Variants in LIPE observed in about 807,000 individuals in gnomAD.
The protein encoded by LIPE is lipase E, hormone sensitive type, also known as hormone-sensitive lipase.
LIPE carries 66 observed loss-of-function variants against 88.5 expected under a neutral mutation model. The observed-to-expected ratio is 0.75, with a 90% confidence interval of 0.61 to 0.91. The LOEUF is 0.91. Ranked by LOEUF, LIPE falls within the 40% of genes least tolerant of loss-of-function variation. The pLI, the probability that LIPE is intolerant of heterozygous loss-of-function variation, is 0.00. For missense variants in LIPE, 1,346 were observed against 1,434.7 expected, an observed-to-expected ratio of 0.94 and a Z score of 1.00; for synonymous variants, 570 against 617.5, an observed-to-expected ratio of 0.92 and a Z score of 1.14.
At chr19:42,405,972 TCTCTCACACACA>T (rs1471671839) in intron 7 of LIPE, 177 bp downstream of exon 7, 104 of 563,280 alleles carry the variant, frequency 1.8e-4, no homozygotes, top group Admixed American at 6.5e-4. Flanking sequence ...TCTCTCTCTC[TCTCTCACACACA>T]CACACACACA....
chr19:42,403,241 ATGTGTGTGTGTGTGTGTGTGTGTGTG>A (rs56983822), intron 8 of LIPE, among the ~76,000 whole-genome samples: 11 of 91,894 alleles, frequency 1.2e-4, no homozygotes, highest in Admixed American at 7.7e-4. Context: ...CTAGTGAAGG[ATGTGTGTGTGTGTGTGTGTGTGTGTG>A]TGTGTGTGTG....
At chr19:42,418,994 G>T (rs1005490350) in intron 1 of LIPE, among the ~76,000 whole-genome samples, 1 of 151,934 alleles carries the variant, frequency 6.6e-6, no homozygotes, top group African/African-American at 2.4e-5. Context: ...GATGAGGAGT[G>T]GGGGCCGGGC....
chr19:42,424,202 A>C, intron 1 of LIPE: 1 of 931,022 alleles, frequency 1.1e-6, no homozygotes, highest in South Asian at 1.5e-5. Flanking sequence ...CCCGATAATG[A>C]GGGTGGGGGA....
intron 1 of LIPE, among the ~76,000 whole-genome samples, chr19:42,418,755 G>A (rs1441844580): frequency 6.6e-6 from 1 of 152,134 alleles, no homozygotes; most frequent in Non-Finnish European, 1.5e-5. Flanking sequence ...TATGCACTGG[G>A]AAACCAACAA....
intron 1 of LIPE, chr19:42,425,277 T>C (rs1330430271): frequency 6.5e-6 from 1 of 152,960 alleles, no homozygotes; most frequent in East Asian, 1.9e-4. Context: ...GCTCAGTCAG[T>C]TTCTGTGGAT....
Position 42,401,846 on chromosome 19 carries a change from G to T in LIPE, c.3197C>A (p.Ala1066Glu). Reference sequence around the variant, plus strand: ...CCCCCCGCAGCCCCCGTCTACCCCCGCAGCCCCCGTCTCCCCGCTCGGCCC... The same window carrying T: ...CCCCCCGCAGCCCCCGTCTACCCCCTCAGCCCCCGTCTCCCCGCTCGGCCC... Reference protein sequence around the residue: ...GAGPSGETGAAGVDGGCGGRH With the variant: ...GAGPSGETGAEGVDGGCGGRH Residue 1066 changes from alanine (A) to glutamate (E), a missense_variant, in exon 10 of 10, where the codon GCG (alanine) becomes GAG (glutamate). Coordinates refer to ENST00000244289, the MANE Select transcript of LIPE (RefSeq NM_005357.4). 3.2e-6 allele frequency: 1 copy of T among 310,370 alleles called. No individual in the cohort carries two copies. The highest frequency in any genetic ancestry group is 5.8e-6 in the Non-Finnish European group (1 of 171,032). The allele number at this position is 310,370 out of a possible 1,614,324, so 19.2% of individuals were successfully genotyped here.
chr19:42,423,892 A>G (rs774638963), intron 1 of LIPE: 19 of 1,141,466 alleles, frequency 1.7e-5, no homozygotes, highest in Non-Finnish European at 2.1e-5. Context: ...GAAGCCTCCC[A>G]TGTGCTGGCT....
At chr19:42,405,642 G>C (rs892358565) in intron 7 of LIPE, 81 bp from the exon 8 acceptor site, 1 of 1,386,424 alleles carries the variant, frequency 7.2e-7, no homozygotes, top group South Asian at 1.3e-5. Flanking sequence ...GGCATCTGTG[G>C]TCCCAGGGAC....
At position 42,401,691 on chromosome 19, in the gene LIPE, T is replaced by TGG; in HGVS notation, c.*120_*121insCC. 1 of 457,762 alleles carries TGG rather than the reference T, an allele frequency of 2.2e-6. No individual in the cohort carries two copies. Among genetic ancestry groups the TGG allele is most frequent in the East Asian group, 6.0e-5 (1 of 16,648 alleles). 28.4% of individuals were successfully genotyped at this position (457,762 alleles called of 1,614,324 possible). ...CTCCCCGTGGCGAGGGTCTCAGCTT[T>TGG]CGGGCCCCCGCCCCGCCCCCTTGCC... On this transcript the variant is annotated 3_prime_UTR_variant, in exon 10 of 10. Coordinates refer to ENST00000244289, the MANE Select transcript of LIPE (RefSeq NM_005357.4).
Position 42,405,510 on chromosome 19 carries a change from A to G in LIPE, c.2417T>C (p.Met806Thr). The G allele has an allele frequency of 6.2e-7, 1 of 1,614,178 alleles. No homozygotes were observed. Among genetic ancestry groups the G allele is most frequent in the Non-Finnish European group, 8.5e-7 (1 of 1,180,014 alleles). The change falls in exon 8 of 10, where the codon ATG becomes ACG. Residue 806 changes from methionine (M) to threonine (T), a missense_variant. By Grantham distance (81) the Met-to-Thr change is moderately conservative (BLOSUM62 -1). Coordinates refer to ENST00000244289, the MANE Select transcript of LIPE (RefSeq NM_005357.4). ...SNSDQKALGMMGLVRRDTALL... is the reference protein window; with the variant it reads ...SNSDQKALGMTGLVRRDTALL... ...GGCTGTGTCCCGCCGCACCAGCCCC[A>G]TCATGCCGAGGGCTTTCTGGTCTGA...
In LIPE at chr19:42,408,922, G is replaced by C. The variant is rs2147614586; in HGVS notation, c.1420-600C>G. On this transcript the variant is annotated intron_variant, in intron 2 of 9. Transcript: ENST00000244289. This position sits in a 1 kb window ranked among gnomAD's most constrained non-coding sequence, Gnocchi z 4.3. ...GAGCAGAGTGAGCAGTGGGGAGAGG[G>C]GCAGGTGGTGACATTGGAGAGGCAA... 6.6e-6 allele frequency among the ~76,000 whole-genome samples: 1 copy of C among 152,196 alleles called. No individual in the cohort carries two copies. Among genetic ancestry groups the C allele is most frequent in the Non-Finnish European group, 1.5e-5 (1 of 68,006 alleles).
chr19:42,407,826 G>T lies in LIPE; in HGVS notation c.1657-35C>A. 1 of 1,546,460 alleles carries T rather than the reference G, an allele frequency of 6.5e-7. No individual in the cohort carries two copies. The highest frequency in any genetic ancestry group is 8.7e-7 in the Non-Finnish European group (1 of 1,146,176). Reference sequence around the variant, plus strand: ...GGGGACAGAAGGGGTGCTAGGGAAGGTCTGCCTGCAGGGGTGCCCTTCACC... The same window carrying T: ...GGGGACAGAAGGGGTGCTAGGGAAGTTCTGCCTGCAGGGGTGCCCTTCACC... On this transcript the variant is annotated intron_variant, in intron 4 of 9. Transcript: ENST00000244289. This position sits in a 1 kb window ranked among gnomAD's most constrained non-coding sequence, Gnocchi z 5.8.
intron 1 of LIPE, among the ~76,000 whole-genome samples, chr19:42,422,376 T>C (rs777615341): frequency 2.0e-4 from 30 of 152,298 alleles, no homozygotes; most frequent in Middle Eastern, 3.4e-3. Context: ...TTAACTACAG[T>C]CTGTACTGCC....
At chr19:42,403,557 C>T (rs959971845) in intron 8 of LIPE, among the ~76,000 whole-genome samples, 4 of 151,368 alleles carry the variant, frequency 2.6e-5, no homozygotes, top group Admixed American at 6.6e-5. Flanking sequence ...AAGTGATTCT[C>T]GTGCCTCAGC....
intron 1 of LIPE, chr19:42,412,532 C>G (rs1338979709): frequency 4.1e-6 from 4 of 985,860 alleles, no homozygotes; most frequent in Middle Eastern, 1.0e-3. Flanking sequence ...GTGCTGTAAA[C>G]AGAGTAGAGG....
rs2147613894 is a variant in LIPE, at chr19:42,408,817, C to CT, written c.1420-496dup. Among the ~76,000 whole-genome samples the CT allele has an allele frequency of 6.8e-6, 1 of 146,324 alleles. No individual in the cohort carries two copies. The highest frequency in any genetic ancestry group is 2.5e-5 in the African/African-American group (1 of 40,492). ...CCAGCCTGGGCGACAGAGCGAGACT[C>CT]TGTCTCTAAAAAAAAAAAAAGGTGA... On this transcript the variant is annotated intron_variant, in intron 2 of 9. Transcript: ENST00000244289. The surrounding 1 kb of genome is among the most constrained non-coding windows in gnomAD (Gnocchi z 4.3).
chr19:42,412,056 C>A (rs777200289), intron 1 of LIPE, among the ~76,000 whole-genome samples: 2 of 152,200 alleles, frequency 1.3e-5, no homozygotes, highest in African/African-American at 2.4e-5. Flanking sequence ...TGGGGCTCCC[C>A]GCTAGGACTC....
chr19:42,404,564 A>G lies in LIPE; in HGVS notation c.2542+821T>C, dbSNP rs1360207310. On this transcript the variant is annotated intron_variant, in intron 8 of 9. Transcript: ENST00000244289. ...TTTTTAATAGAGATGGGGTTTCACT[A>G]TGTTGGCCAAGCTGGTCTTGAACTC... is the stretch of plus-strand genomic sequence containing the variant. 2.0e-5 allele frequency among the ~76,000 whole-genome samples: 3 copies of G among 152,206 alleles called. No individual in the cohort carries two copies. In the East Asian group the frequency reaches 5.8e-4, roughly 29 times the overall value.
chr19:42,402,618 C>T lies in LIPE; in HGVS notation c.2956G>A (p.Val986Met). 1 of 1,492,616 alleles carries T rather than the reference C, an allele frequency of 6.7e-7. No homozygotes were observed. Among genetic ancestry groups the T allele is most frequent in the Non-Finnish European group, 8.9e-7 (1 of 1,119,170 alleles). 92.5% of individuals were successfully genotyped at this position (1,492,616 alleles called of 1,614,324 possible). A position where few individuals can be genotyped will look rare whatever the true frequency, so the allele number is the denominator to read the frequency against. ...PDSMLKSLPP[V>M]HIVACALDPM... ...CCTCTGTCGCTCACCACGATGTGCA[C>T]AGGTGGCAGGCTCTTGAGCATGCTG... is the stretch of plus-strand genomic sequence containing the variant. Residue 986 changes from valine to methionine, a missense_variant, in exon 9 of 10, where the codon GTG (valine) becomes ATG (methionine). Coordinates refer to ENST00000244289, the MANE Select transcript of LIPE (RefSeq NM_005357.4).
Sources: allele counts gnomAD v4.1 joint callset (sites outside exome capture counted in the v4.1 genomes callset), GRCh38; gene constraint gnomAD v4.1.1; non-coding constraint Gnocchi (gnomAD v3.1); transcripts MANE v1.5; gene names NCBI Gene and HGNC (gene_info 2026-07-23, HGNC 2026-07-21).